Variants in IQCH observed in about 807,000 individuals in gnomAD.
IQCH encodes the protein IQ motif containing H.
IQCH carries 98 observed loss-of-function variants against 117.0 expected under a neutral mutation model. The ratio of observed to expected loss-of-function variants is 0.84; its 90% CI spans 0.71 to 0.99. The LOEUF (loss-of-function observed/expected upper bound fraction) is 0.99, where lower values mean the gene tolerates loss of function less well. Among genes scored for constraint, IQCH ranks in the 50% least tolerant of loss-of-function variants. The pLI is 0.00. For synonymous variants in IQCH, 412 were observed against 448.2 expected (o/e 0.92, Z 1.02); for missense variants, 1,102 against 1,243.8 (o/e 0.89, Z 1.72).
chr15:67,372,730 A>G (rs1970591986), intron 9 of IQCH, 68 bp downstream of exon 9: 9 of 1,351,262 alleles, frequency 6.7e-6, no homozygotes, highest in Non-Finnish European at 9.2e-6. Flanking sequence ...AGCGGTTGTA[A>G]TAAGTTGTCT....
chr15:67,444,903 T>C (rs1367490677), intron 16 of IQCH, among the ~76,000 whole-genome samples: 1 of 152,230 alleles, frequency 6.6e-6, no homozygotes, highest in East Asian at 1.9e-4. Flanking sequence ...TCTGTCTTCA[T>C]AGAAAAAGAA....
rs1341462834 is a variant in IQCH, at chr15:67,474,588, A to G, written c.2677-1108A>G. On this transcript the variant is annotated intron_variant, in intron 17 of 20. Transcript: ENST00000335894. The surrounding 1 kb of genome is among the most constrained non-coding windows in gnomAD (Gnocchi z 4.1). ...ATGACAGCACTTTGGGCCTACTATC[A>G]CCAATCTCTTTGGCATGGCTTTCAC... Among the ~76,000 whole-genome samples, 1 of 152,106 alleles carries G rather than the reference A, an allele frequency of 6.6e-6. No homozygotes were observed. The highest frequency in any genetic ancestry group is 2.4e-5 in the African/African-American group (1 of 41,422).
chr15:67,291,082 T>C (rs1966734891), intron 4 of IQCH, among the ~76,000 whole-genome samples: 1 of 152,140 alleles, frequency 6.6e-6, no homozygotes, highest in Non-Finnish European at 1.5e-5. Flanking sequence ...TTCATGCAAG[T>C]CCAACCACTA....
At chr15:67,288,572 T>C (rs1966646165) in intron 4 of IQCH, among the ~76,000 whole-genome samples, 1 of 152,112 alleles carries the variant, frequency 6.6e-6, no homozygotes. Context: ...TCCTGCTCTT[T>C]TTTGGTTTCC....
At chr15:67,489,634 C>T (rs1300634805) in intron 18 of IQCH, among the ~76,000 whole-genome samples, 1 of 151,876 alleles carries the variant, frequency 6.6e-6, no homozygotes, top group Non-Finnish European at 1.5e-5. Context: ...ATTTTTTTAA[C>T]CCATCACTCT....
At chr15:67,275,805 A>G (rs1011725143) in intron 3 of IQCH, among the ~76,000 whole-genome samples, 1 of 152,186 alleles carries the variant, frequency 6.6e-6, no homozygotes. Context: ...ACCTAAGCCT[A>G]GGATATTGAG....
Position 67,500,559 on chromosome 15 carries a change from CCAAAAGGACCAG to C in IQCH, c.2971-73_2971-62del. ...AACTGGTCTAAACCATGGTGAACTC[CCAAAAGGACCAG>C]ATGCTTGGGGGAGAGGGATTGTAAG... On this transcript the variant is annotated intron_variant, in intron 20 of 20. Coordinates refer to ENST00000335894, the MANE Select transcript of IQCH (RefSeq NM_001031715.3). This position sits in a 1 kb window ranked among gnomAD's most constrained non-coding sequence, Gnocchi z 4.4. The C allele has an allele frequency of 1.4e-6, 1 of 717,236 alleles. No homozygotes were observed. The highest frequency in any genetic ancestry group is 2.3e-6 in the Non-Finnish European group (1 of 426,806). 44.4% of individuals were successfully genotyped at this position (717,236 alleles called of 1,614,324 possible). A position where few individuals can be genotyped will look rare whatever the true frequency, so the allele number is the denominator to read the frequency against.
intron 16 of IQCH, among the ~76,000 whole-genome samples, chr15:67,428,191 T>C (rs1053453596): frequency 6.6e-6 from 1 of 152,110 alleles, no homozygotes; most frequent in South Asian, 2.1e-4. Flanking sequence ...TATGAAGACA[T>C]TAAAACTAAT....
chr15:67,383,793 T>C (rs1307237756), intron 10 of IQCH, among the ~76,000 whole-genome samples: 5 of 152,184 alleles, frequency 3.3e-5, no homozygotes, highest in Admixed American at 2.0e-4. Flanking sequence ...CATTTGTCCT[T>C]CTGCCTCTCT....
chr15:67,355,910 A>G (rs1023661349), intron 6 of IQCH, among the ~76,000 whole-genome samples: 37 of 152,326 alleles, frequency 2.4e-4, no homozygotes, highest in African/African-American at 8.9e-4. Flanking sequence ...TATCCTTGAG[A>G]TCTTTGTCCT....
At chr15:67,371,989 G>A in intron 8 of IQCH, 122 bp from the exon 9 acceptor site, 5 of 845,124 alleles carry the variant, frequency 5.9e-6, no homozygotes, top group Non-Finnish European at 7.2e-6. Context: ...TTAAATCAGT[G>A]CTAGGATTCA....
chr15:67,318,676 A>T (rs1406941575), intron 4 of IQCH, among the ~76,000 whole-genome samples: 3 of 152,140 alleles, frequency 2.0e-5, no homozygotes, highest in African/African-American at 7.2e-5. Flanking sequence ...AATTATTTCC[A>T]TGGGTAGAAA....
In IQCH at chr15:67,487,357, T is replaced by C. The variant is rs117019618; in HGVS notation, c.2800-2646T>C. The stretch of plus-strand genomic sequence containing the variant: ...CAAAAACAACAACAAAAAAAGAATG[T>C]AGATGCCCATGCAGGGCTGCGATTA... On this transcript the variant is annotated intron_variant, in intron 18 of 20. Coordinates refer to ENST00000335894, the MANE Select transcript of IQCH (RefSeq NM_001031715.3). Among the ~76,000 whole-genome samples the C allele has an allele frequency of 4.8e-3, 729 of 151,542 alleles. 1 individual carries two copies. The highest frequency in any genetic ancestry group is 7.3e-3 in the Non-Finnish European group (493 of 67,856).
At chr15:67,285,769 C>T (rs964437457) in intron 4 of IQCH, among the ~76,000 whole-genome samples, 38 of 152,030 alleles carry the variant, frequency 2.5e-4, no homozygotes, top group Non-Finnish European at 1.3e-4. Context: ...TGTAGGTGTG[C>T]AGTCTTATTT....
rs137971123 is a variant in IQCH, at chr15:67,478,697, G to A, written c.2799+2879G>A. On this transcript the variant is annotated intron_variant, in intron 18 of 20. Transcript: ENST00000335894. ...TCCCAGCACTTTGGGAGGCCAGGGC[G>A]GGCAGATCACGAGGTCAGGAGATCG... is the stretch of plus-strand genomic sequence containing the variant. Among the ~76,000 whole-genome samples the A allele has an allele frequency of 8.6e-3, 1,312 of 152,106 alleles. 18 individuals are homozygous for A. The highest frequency in any genetic ancestry group is 0.026 in the African/African-American group (1,087 of 41,488).
At chr15:67,428,714 T>G (rs1302051390) in intron 16 of IQCH, among the ~76,000 whole-genome samples, 1 of 151,956 alleles carries the variant, frequency 6.6e-6, no homozygotes, top group Admixed American at 6.6e-5. Context: ...CTGGGCATGG[T>G]GGCACGTGCC....
rs550483274 is a variant in IQCH at position 67,406,441 on chromosome 15, G to A, written c.2097+6136G>A. ...GGAGCCTGAAGAAAGAGGATCACTCGAGCCCAGGAGTTTGAGGCTGCAATG... is the reference window on the plus strand; with the variant it reads ...GGAGCCTGAAGAAAGAGGATCACTCAAGCCCAGGAGTTTGAGGCTGCAATG... On this transcript the variant is annotated intron_variant, in intron 14 of 20. Transcript: ENST00000335894. The surrounding 1 kb of genome is among the most constrained non-coding windows in gnomAD (Gnocchi z 4.5). 6.6e-6 allele frequency: 1 copy of A among 152,130 alleles called. No individual in the cohort carries two copies. Among genetic ancestry groups the A allele is most frequent in the Non-Finnish European group, 1.5e-5 (1 of 68,056 alleles). The allele number at this position is 152,130 out of a possible 1,614,324, so 9.4% of individuals were successfully genotyped here. A position where few individuals can be genotyped will look rare whatever the true frequency, so the allele number is the denominator to read the frequency against.
rs186824123 is a variant in IQCH at position 67,381,725 on chromosome 15, A to G, written c.1373-3211A>G. 2.2e-3 allele frequency among the ~76,000 whole-genome samples: 339 copies of G among 152,322 alleles called. 2 individuals are homozygous for G. Among genetic ancestry groups the G allele is most frequent in the Non-Finnish European group, 3.8e-3 (259 of 68,028 alleles). ...GCCGGACATGGTGGCTCATGCCTATAATACCAGCACTTTGGGAGGCTGAGG... is the reference window on the plus strand; with the variant it reads ...GCCGGACATGGTGGCTCATGCCTATGATACCAGCACTTTGGGAGGCTGAGG... On this transcript the variant is annotated intron_variant, in intron 10 of 20. Coordinates refer to ENST00000335894, the MANE Select transcript of IQCH (RefSeq NM_001031715.3). The surrounding 1 kb of genome is among the most constrained non-coding windows in gnomAD (Gnocchi z 5.1).
intron 3 of IQCH, among the ~76,000 whole-genome samples, chr15:67,264,011 G>A (rs573866409): frequency 6.6e-6 from 1 of 152,336 alleles, no homozygotes; most frequent in Non-Finnish European, 1.5e-5. Flanking sequence ...ATATTAGGCA[G>A]TGAAGTAAAG....
Sources: gnomAD v4.1 joint callset for allele counts (sites outside exome capture counted in the v4.1 genomes callset) on GRCh38, gnomAD v4.1.1 for gene constraint, Gnocchi (gnomAD v3.1) non-coding constraint, MANE v1.5 for transcripts, NCBI Gene and HGNC (gene_info 2026-07-23, HGNC 2026-07-21) for gene names.